The following PTPN5 variants were observed in gnomAD, a reference collection of about 807,000 sequenced individuals.
The protein encoded by PTPN5 is tyrosine-protein phosphatase non-receptor type 5.
A neutral mutation model predicts 73.9 loss-of-function variants in PTPN5; 29 were observed. That is an observed-to-expected ratio of 0.39 (90% CI 0.29 to 0.54). PTPN5 has a LOEUF of 0.54. PTPN5 is among the 20% of genes least tolerant of loss of function. The pLI is 0.65. For missense variants in PTPN5, 652 were observed against 751.4 expected (o/e 0.87, Z 1.55); for synonymous variants, 267 against 304.7 (o/e 0.88, Z 1.29).
chr11:18,761,961 C>T (rs1337629291), intron 3 of PTPN5, among the ~76,000 whole-genome samples: 8 of 152,164 alleles, frequency 5.3e-5, no homozygotes, highest in Non-Finnish European at 1.2e-4. Context: ...TGCGTGGGAA[C>T]ATGCATGTGC....
intron 1 of PTPN5, among the ~76,000 whole-genome samples, chr11:18,783,074 C>T (rs569568259): frequency 1.1e-4 from 16 of 152,322 alleles, no homozygotes; most frequent in South Asian, 4.1e-4. Context: ...TCCTAGGCCT[C>T]GTATTTGCCT....
chr11:18,786,136 T>TGCTC (rs1851656285), intron 1 of PTPN5, among the ~76,000 whole-genome samples: 1 of 152,174 alleles, frequency 6.6e-6, no homozygotes, highest in Non-Finnish European at 1.5e-5. Context: ...GTGGCCATGA[T>TGCTC]GCTCGTTCCA....
rs968936332 is a variant in PTPN5 at position 18,729,369 on chromosome 11, C to T, written c.1604+84G>A. ...TGTTTTCCATCTGCCCCTCACCCCC[C>T]GCCCATGCACATGTGGGTCTCTCCC... On this transcript the variant is annotated intron_variant, in intron 14 of 14. Transcript: ENST00000358540. The surrounding 1 kb of genome is among the most constrained non-coding windows in gnomAD (Gnocchi z 5.2). The T allele has an allele frequency of 1.5e-5, 11 of 718,056 alleles. No homozygotes were observed. Among genetic ancestry groups the T allele is most frequent in the Admixed American group, 4.0e-5 (2 of 50,258 alleles). The allele number at this position is 718,056 out of a possible 1,614,324, so 44.5% of individuals were successfully genotyped here.
intron 3 of PTPN5, among the ~76,000 whole-genome samples, chr11:18,747,323 G>A (rs1849687901): frequency 6.6e-6 from 1 of 151,730 alleles, no homozygotes. Flanking sequence ...GCTAATTTTT[G>A]TATTTTTAGT....
At position 18,732,599 on chromosome 11, in the gene PTPN5, G is replaced by C. The variant is rs1435986739; in HGVS notation, c.1322C>G (p.Ser441Cys). ...HTEDYRLRLI[S>C]LKSGTEERGL... ...CCCTGCCCCAGGCCTCACCTTGAGG[G>C]AGATGAGTCGCAGCCGGTAATCCTC... Residue 441 changes from serine (S) to cysteine (C), a missense_variant, in exon 12 of 15, where the codon TCC becomes TGC. Physicochemically the swap from Ser to Cys is moderately radical, Grantham distance 112. Coordinates refer to ENST00000358540, the MANE Select transcript of PTPN5 (RefSeq NM_006906.2). 22 of 1,613,152 alleles carry C rather than the reference G, an allele frequency of 1.4e-5. No individual in the cohort carries two copies. In the Admixed American group the frequency reaches 3.7e-4, roughly 27 times the overall value.
At chr11:18,760,510 C>T (rs940713748) in intron 3 of PTPN5, among the ~76,000 whole-genome samples, 1 of 152,170 alleles carries the variant, frequency 6.6e-6, no homozygotes, top group South Asian at 2.1e-4. Flanking sequence ...GGACAGGTTG[C>T]AAGACATCAG....
In PTPN5 at chr11:18,772,064, T is replaced by C; in HGVS notation, c.-106A>G. 3.7e-6 allele frequency: 3 copies of C among 821,704 alleles called. No homozygotes were observed. The highest frequency in any genetic ancestry group is 5.7e-6 in the Non-Finnish European group (3 of 525,802). 50.9% of individuals were successfully genotyped at this position (821,704 alleles called of 1,614,324 possible). A position where few individuals can be genotyped will look rare whatever the true frequency, so the allele number is the denominator to read the frequency against. ...ATGAAGGAGAGAGGGCAGCTTCAGATCATCCAGCTGGGAAAACGGGGCAAA... is the reference window on the plus strand; with the variant it reads ...ATGAAGGAGAGAGGGCAGCTTCAGACCATCCAGCTGGGAAAACGGGGCAAA... On this transcript the variant is annotated 5_prime_UTR_variant, in exon 2 of 15. Coordinates refer to ENST00000358540, the MANE Select transcript of PTPN5 (RefSeq NM_006906.2).
At chr11:18,740,262 G>C (rs575641391) in intron 8 of PTPN5, among the ~76,000 whole-genome samples, 81 of 152,322 alleles carry the variant, frequency 5.3e-4, no homozygotes, top group African/African-American at 1.9e-3. Flanking sequence ...GAAAACAGAA[G>C]AGTTAGAAGT....
chr11:18,780,613 G>A (rs1048265011), intron 1 of PTPN5, among the ~76,000 whole-genome samples: 2 of 152,140 alleles, frequency 1.3e-5, no homozygotes, highest in Admixed American at 1.3e-4. Context: ...AGTGAGTCTA[G>A]GGTGTGTTGA....
At chr11:18,744,342 G>T in intron 3 of PTPN5, 143 bp from the exon 4 acceptor site, 1 of 590,928 alleles carries the variant, frequency 1.7e-6, no homozygotes. Context: ...CCCTCGATTA[G>T]CAAAGCAATA....
intron 3 of PTPN5, among the ~76,000 whole-genome samples, chr11:18,744,606 G>A (rs1849532517): frequency 2.0e-5 from 3 of 151,004 alleles, no homozygotes; most frequent in South Asian, 4.2e-4. Flanking sequence ...ACCCACCCAT[G>A]CCTGCCCTGT....
In PTPN5 at chr11:18,742,013, T is replaced by TGG. The variant is rs1320622954; in HGVS notation, c.725+248_725+249insCC. Among the ~76,000 whole-genome samples the TGG allele has an allele frequency of 2.0e-5, 3 of 152,216 alleles. No homozygotes were observed. Among genetic ancestry groups the TGG allele is most frequent in the African/African-American group, 7.2e-5 (3 of 41,466 alleles). ...GCAAAGAAAACCACCCAAACTTACT[T>TGG]GAGCATGGGAGAGTGTGTGTGAACA... On this transcript the variant is annotated intron_variant, in intron 7 of 14. Coordinates refer to ENST00000358540, the MANE Select transcript of PTPN5 (RefSeq NM_006906.2). This position sits in a 1 kb window ranked among gnomAD's most constrained non-coding sequence, Gnocchi z 4.1.
rs1851678713 is a variant in PTPN5 at position 18,786,499 on chromosome 11, G to GC, written c.-114+5025dup. Among the ~76,000 whole-genome samples, 5 of 152,356 alleles carry GC rather than the reference G, an allele frequency of 3.3e-5. No individual in the cohort carries two copies. In the South Asian group the frequency reaches 1.0e-3, roughly 32 times the overall value. ...TTACAGGCGTGAGCCACCGCACCCG[G>GC]CCTAGAATAGGGGGAATCTTATTTT... On this transcript the variant is annotated intron_variant, in intron 1 of 14. Coordinates refer to ENST00000358540, the MANE Select transcript of PTPN5 (RefSeq NM_006906.2).
chr11:18,765,408 T>C (rs966148939), intron 3 of PTPN5, among the ~76,000 whole-genome samples: 2 of 152,166 alleles, frequency 1.3e-5, no homozygotes, highest in Non-Finnish European at 2.9e-5. Flanking sequence ...GGTCAGGTAG[T>C]TCTCCACATC....
chr11:18,754,071 C>T (rs556424154), intron 3 of PTPN5, among the ~76,000 whole-genome samples: 1 of 152,266 alleles, frequency 6.6e-6, no homozygotes, highest in East Asian at 1.9e-4. Flanking sequence ...GTGAATAAAA[C>T]TAAAGAGAGA....
intron 1 of PTPN5, among the ~76,000 whole-genome samples, chr11:18,787,556 T>C (rs1314395425): frequency 6.6e-6 from 1 of 152,182 alleles, no homozygotes; most frequent in African/African-American, 2.4e-5. Flanking sequence ...CAGGTACACT[T>C]CAGGTTCCTT....
intron 3 of PTPN5, among the ~76,000 whole-genome samples, chr11:18,756,718 C>T (rs1850156018): frequency 1.3e-5 from 2 of 151,748 alleles, no homozygotes; most frequent in African/African-American, 2.4e-5. Flanking sequence ...GTCAGGAGAT[C>T]GAGACCACCC....
chr11:18,751,667 A>G (rs1033565119), intron 3 of PTPN5, among the ~76,000 whole-genome samples: 3 of 152,242 alleles, frequency 2.0e-5, no homozygotes, highest in Non-Finnish European at 4.4e-5. Context: ...CTCTCCAGGC[A>G]GGCAGGATGG....
rs764025961 is a variant in PTPN5 at position 18,740,585 on chromosome 11, C to T, written c.915+18G>A. ...ATGGGTCTGCACACAGTGGGGCGAC[C>T]GGCTCAAGGGAACTCACAAAGAATT... On this transcript the variant is annotated intron_variant, in intron 8 of 14. Transcript: ENST00000358540. 9 of 1,523,284 alleles carry T rather than the reference C, an allele frequency of 5.9e-6. No homozygotes were observed. Among genetic ancestry groups the T allele is most frequent in the Non-Finnish European group, 6.2e-6 (7 of 1,133,294 alleles). The allele number at this position is 1,523,284 out of a possible 1,614,324, so 94.4% of individuals were successfully genotyped here. A position where few individuals can be genotyped will look rare whatever the true frequency, so the allele number is the denominator to read the frequency against.
Sources: gnomAD v4.1 joint callset for allele counts (sites outside exome capture counted in the v4.1 genomes callset) on GRCh38, gnomAD v4.1.1 for gene constraint, Gnocchi (gnomAD v3.1) non-coding constraint, MANE v1.5 for transcripts, NCBI Gene and HGNC (gene_info 2026-07-23, HGNC 2026-07-21) for gene names.